The following CAPN7 variants were observed in gnomAD, a reference collection of about 807,000 sequenced individuals.
CAPN7 encodes calpain 7, also known as calpain-7.
CAPN7 carries 72 observed loss-of-function variants against 115.2 expected under a neutral mutation model. The observed-to-expected ratio is 0.63, with a 90% confidence interval of 0.52 to 0.76. The LOEUF is 0.76. Ranked by LOEUF, CAPN7 falls within the 30% of genes least tolerant of loss-of-function variation. The pLI is 0.00. For synonymous variants in CAPN7, 344 were observed against 322.3 expected, an observed-to-expected ratio of 1.07 and a Z score of -0.72; for missense variants, 905 against 971.5, an observed-to-expected ratio of 0.93 and a Z score of 0.91.
chr3:15,251,874 C>T lies in CAPN7; in HGVS notation c.*614C>T, dbSNP rs1463710447. ...TACCTTAGCATGAAGATGCTCATGC[C>T]TAAGAATGAAAATTGTTGAGGTTAT... On this transcript the variant is annotated 3_prime_UTR_variant, in exon 21 of 21. Coordinates refer to ENST00000253693, the MANE Select transcript of CAPN7 (RefSeq NM_014296.3). 2 of 152,064 alleles carry T rather than the reference C, an allele frequency of 1.3e-5. No individual in the cohort carries two copies. The highest frequency in any genetic ancestry group is 2.9e-5 in the Non-Finnish European group (2 of 67,990). The allele number at this position is 152,064 out of a possible 1,614,324, so 9.4% of individuals were successfully genotyped here.
At position 15,232,609 on chromosome 3, in the gene CAPN7, A is replaced by G. The variant is rs546478547; in HGVS notation, c.1123A>G (p.Ile375Val). 8 of 1,613,050 alleles carry G rather than the reference A, an allele frequency of 5.0e-6. No individual in the cohort carries two copies. The African/African-American group carries it at 5.3e-5, about 11-fold the overall frequency. ...CAAAAGTGAATTATGGGTTTCTCTC[A>G]TAGAAAAAGCATACATGAAAGTCAT... is the stretch of plus-strand genomic sequence containing the variant. ...NNKSELWVSLIEKAYMKVMGG... is the reference protein window; with the variant it reads ...NNKSELWVSLVEKAYMKVMGG... The change falls in exon 10 of 21, where the codon ATA (isoleucine) becomes GTA (valine). Residue 375 changes from isoleucine (I) to valine (V), a missense_variant. Ile to Val is a conservative substitution (Grantham distance 29, BLOSUM62 3). This residue lies in a region of CAPN7 where 620 missense variants were observed against 703.4 expected (regional missense o/e 0.88). Transcript: ENST00000253693.
At chr3:15,220,727 A>C (rs1693927612) in intron 4 of CAPN7, 54 bp from the exon 5 acceptor site, 12 of 1,535,342 alleles carry the variant, frequency 7.8e-6, no homozygotes, top group Non-Finnish European at 1.1e-5. Flanking sequence ...TTTCCTGAAA[A>C]GCTTAAATGT....
chr3:15,212,228 C>T lies in CAPN7; in HGVS notation c.211+16C>T, dbSNP rs2044997436. The stretch of plus-strand genomic sequence containing the variant: ...CATTCAGCAGGTTAGTAAAGGACTA[C>T]TAAACTTGTCACTCTATTTTTTCTT... On this transcript the variant is annotated intron_variant, in intron 2 of 20. Transcript: ENST00000253693. 7.3e-7 allele frequency: 1 copy of T among 1,368,878 alleles called. No homozygotes were observed. The highest frequency in any genetic ancestry group is 1.5e-5 in the African/African-American group (1 of 68,572). 84.8% of individuals were successfully genotyped at this position (1,368,878 alleles called of 1,614,324 possible).
chr3:15,222,408 T>A (rs1694057457), intron 5 of CAPN7, among the ~76,000 whole-genome samples: 1 of 152,234 alleles, frequency 6.6e-6, no homozygotes, highest in South Asian at 2.1e-4. Context: ...TGCAGAAAGT[T>A]CAGTCTGCTT....
chr3:15,251,181 C>A lies in CAPN7; in HGVS notation c.2363C>A (p.Thr788Asn). The change falls in exon 21 of 21, where the codon ACC becomes AAC. Residue 788 changes from threonine to asparagine, a missense_variant. By Grantham distance (65) the Thr-to-Asn change is moderately conservative. This residue lies in a region of CAPN7 where 620 missense variants were observed against 703.4 expected (regional missense o/e 0.88). Transcript: ENST00000253693. ...GGGATCTTCAATATCATTCCTAGTACCTTTTTGCCTAAACAAGAAGGACCT... is the reference window on the plus strand; with the variant it reads ...GGGATCTTCAATATCATTCCTAGTAACTTTTTGCCTAAACAAGAAGGACCT... ...PSGIFNIIPS[T>N]FLPKQEGPFF... is the part of the protein sequence containing the mutation. 1 of 1,607,684 alleles carries A rather than the reference C, an allele frequency of 6.2e-7. No homozygotes were observed. Among genetic ancestry groups the A allele is most frequent in the Non-Finnish European group, 8.5e-7 (1 of 1,175,100 alleles).
intron 9 of CAPN7, among the ~76,000 whole-genome samples, chr3:15,231,040 A>G (rs971873080): frequency 1.3e-5 from 2 of 152,170 alleles, no homozygotes; most frequent in African/African-American, 2.4e-5. Context: ...CCACCTGTCC[A>G]TGTTGAGATC....
chr3:15,216,263 T>C (rs1018206593), intron 2 of CAPN7, among the ~76,000 whole-genome samples: 3 of 152,312 alleles, frequency 2.0e-5, no homozygotes, highest in Admixed American at 6.5e-5. Context: ...CCATCAGCAG[T>C]GTATCTGGGT....
Position 15,206,437 on chromosome 3 carries a change from G to T in CAPN7, c.-59G>T. On this transcript the variant is annotated 5_prime_UTR_variant, in exon 1 of 21. Coordinates refer to ENST00000253693, the MANE Select transcript of CAPN7 (RefSeq NM_014296.3). ...CGCCGCCGCCGGGCCGCCGCAGTCC[G>T]CGAAGAGCCGTCCTGCGTCAGGGCC... The T allele has an allele frequency of 7.5e-7, 1 of 1,342,262 alleles. No individual in the cohort carries two copies. The highest frequency in any genetic ancestry group is 1.0e-6 in the Non-Finnish European group (1 of 972,486). 83.1% of individuals were successfully genotyped at this position (1,342,262 alleles called of 1,614,324 possible).
chr3:15,213,276 C>T (rs116883396), intron 2 of CAPN7, among the ~76,000 whole-genome samples: 1 of 152,326 alleles, frequency 6.6e-6, no homozygotes, highest in East Asian at 1.9e-4. Flanking sequence ...TTCATGTTTA[C>T]TTCCATGATC....
At chr3:15,230,324 C>T (rs1165317987) in intron 8 of CAPN7, 118 bp from the exon 9 acceptor site, 1 of 536,772 alleles carries the variant, frequency 1.9e-6, no homozygotes, top group Non-Finnish European at 3.4e-6. Flanking sequence ...AAAATATTCT[C>T]CTGTTTGTTT....
intron 13 of CAPN7, 37 bp from the exon 14 acceptor site, chr3:15,240,717 A>G (rs754700670): frequency 1.3e-6 from 2 of 1,571,678 alleles, no homozygotes; most frequent in Admixed American, 3.6e-5. Context: ...ATTTAGCATT[A>G]AGATTTTTTT....
At position 15,245,612 on chromosome 3, in the gene CAPN7, A is replaced by G. The variant is rs769443323; in HGVS notation, c.1951A>G (p.Thr651Ala). ...KIKLTTPGTH[T>A]FTLVVSQYEK... is the part of the protein sequence containing the mutation. ...AAAGCTGACCACACCTGGCACCCAT[A>G]CCTTTACATTAGTGGTTTCTCAATA... The change falls in exon 17 of 21, where the codon ACC becomes GCC. Residue 651 changes from threonine to alanine, a missense_variant. Thr to Ala is a moderately conservative substitution (Grantham distance 58, BLOSUM62 0). Coordinates refer to ENST00000253693, the MANE Select transcript of CAPN7 (RefSeq NM_014296.3). 2 of 1,613,976 alleles carry G rather than the reference A, an allele frequency of 1.2e-6. No individual in the cohort carries two copies. Among genetic ancestry groups the G allele is most frequent in the East Asian group, 4.5e-5 (2 of 44,846 alleles).
chr3:15,239,707 A>G (rs1289882477), intron 12 of CAPN7, among the ~76,000 whole-genome samples: 1 of 152,248 alleles, frequency 6.6e-6, no homozygotes, highest in Non-Finnish European at 1.5e-5. Flanking sequence ...CTTCACAGCC[A>G]TCTTCTAGGG....
rs1693942069 is a variant in CAPN7 at position 15,220,911 on chromosome 3, T to G, written c.568T>G (p.Ser190Ala). 6.2e-7 allele frequency: 1 copy of G among 1,614,158 alleles called. No homozygotes were observed. ...GANPFLERPQ[S>A]FISPQSCDAQ... ...TAATCCCTTCCTTGAAAGACCTCAG[T>G]CATTTATAAGTCCTCAGTCATGTGA... The change falls in exon 5 of 21, where the codon TCA becomes GCA. Residue 190 changes from serine (S) to alanine (A), a missense_variant. Transcript: ENST00000253693.
At chr3:15,237,844 G>A (rs112657390) in intron 12 of CAPN7, among the ~76,000 whole-genome samples, 3 of 151,876 alleles carry the variant, frequency 2.0e-5, no homozygotes, top group Non-Finnish European at 4.4e-5. Context: ...GGGCATGGTG[G>A]CACGTGCCTG....
At chr3:15,218,931 C>T (rs985421749) in intron 4 of CAPN7, among the ~76,000 whole-genome samples, 1 of 152,174 alleles carries the variant, frequency 6.6e-6, no homozygotes, top group African/African-American at 2.4e-5. Flanking sequence ...CAGTGTGTAG[C>T]TCTTTCACCT....
chr3:15,229,578 T>TC (rs1212595735), intron 8 of CAPN7, among the ~76,000 whole-genome samples: 82 of 140,762 alleles, frequency 5.8e-4, no homozygotes, highest in African/African-American at 2.1e-3. Flanking sequence ...TTTTTTTTTT[T>TC]TTTTTTTTTT....
intron 8 of CAPN7, among the ~76,000 whole-genome samples, chr3:15,230,156 C>T (rs1299357793): frequency 2.6e-5 from 4 of 152,160 alleles, no homozygotes; most frequent in African/African-American, 9.7e-5. Context: ...AAAATATATA[C>T]ACTTAATAGA....
intron 14 of CAPN7, among the ~76,000 whole-genome samples, chr3:15,241,120 G>A (rs1326186602): frequency 2.0e-5 from 3 of 152,102 alleles, no homozygotes; most frequent in Non-Finnish European, 4.4e-5. Context: ...TCAGCAGATC[G>A]CTCAAGCCTG....
Sources: allele counts gnomAD v4.1 joint callset (sites outside exome capture counted in the v4.1 genomes callset), GRCh38; gene constraint gnomAD v4.1.1; regional missense constraint gnomAD v4.1.1; transcripts MANE v1.5; gene names NCBI Gene and HGNC (gene_info 2026-07-23, HGNC 2026-07-21).